LHPP: variants seen among roughly 807,000 people sequenced by gnomAD.
LHPP encodes hLHPP.
In LHPP, 24 loss-of-function variants were observed where a neutral mutation model predicts 30.3. The observed-to-expected ratio is 0.79, with a 90% CI of 0.57 to 1.11. The LOEUF (loss-of-function observed/expected upper bound fraction) is 1.11. Ranked by LOEUF, LHPP falls within the 50% of genes most tolerant of loss-of-function variation. The probability of loss-of-function intolerance (pLI) is 0.00; values close to 1 mark genes in which losing one functional copy is unlikely to be tolerated. For missense variants in LHPP, 356 were observed against 367.2 expected (o/e 0.97, Z 0.25); for synonymous variants, 150 against 157.1 (o/e 0.95, Z 0.34).
rs999060338 is a variant in LHPP, at chr10:124,613,693, A to G, written c.*333A>G. On this transcript the variant is annotated 3_prime_UTR_variant, in exon 7 of 7. Coordinates refer to ENST00000368842, the MANE Select transcript of LHPP (RefSeq NM_022126.4). ...GGCCTCTGGGAATCTCCCAAATCCC[A>G]GAACTCACCACTCACCATGGGCCTT... 75 of 419,410 alleles carry G rather than the reference A, an allele frequency of 1.8e-4. No homozygotes were observed. The highest frequency in any genetic ancestry group is 2.5e-4 in the South Asian group (9 of 35,976). The allele number at this position is 419,410 out of a possible 1,614,324, so 26.0% of individuals were successfully genotyped here. A position where few individuals can be genotyped will look rare whatever the true frequency, so the allele number is the denominator to read the frequency against.
chr10:124,506,650 A>T (rs1361587055), intron 5 of LHPP, among the ~76,000 whole-genome samples: 1 of 102,952 alleles, frequency 9.7e-6, no homozygotes, highest in African/African-American at 4.4e-5. Context: ...GGAGGTGGGG[A>T]GGGTAGGGAG....
In LHPP at chr10:124,613,446, C is replaced by T; in HGVS notation, c.*86C>T. 1 of 891,238 alleles carries T rather than the reference C, an allele frequency of 1.1e-6. No individual in the cohort carries two copies. The highest frequency in any genetic ancestry group is 1.8e-6 in the Non-Finnish European group (1 of 563,556). The allele number at this position is 891,238 out of a possible 1,614,324, so 55.2% of individuals were successfully genotyped here. The stretch of plus-strand genomic sequence containing the variant: ...TCCACCCCTGCCTCTCCTCCACCCG[C>T]CCAGGAGAGCCCCACCTCCTCCACC... On this transcript the variant is annotated 3_prime_UTR_variant, in exon 7 of 7. Coordinates refer to ENST00000368842, the MANE Select transcript of LHPP (RefSeq NM_022126.4).
intron 6 of LHPP, among the ~76,000 whole-genome samples, chr10:124,608,660 G>A (rs778879679): frequency 1.4e-4 from 22 of 151,950 alleles, no homozygotes; most frequent in Admixed American, 4.6e-4. Flanking sequence ...CTAGCCAGCC[G>A]TTCTGGTTTT....
At chr10:124,550,431 T>C (rs1243076834) in intron 6 of LHPP, among the ~76,000 whole-genome samples, 1 of 152,244 alleles carries the variant, frequency 6.6e-6, no homozygotes, top group Non-Finnish European at 1.5e-5. Context: ...CCCCTGCGCC[T>C]TGTGGCACTG....
intron 6 of LHPP, among the ~76,000 whole-genome samples, chr10:124,551,092 T>C (rs1022125824): frequency 5.3e-5 from 8 of 152,100 alleles, no homozygotes; most frequent in African/African-American, 1.9e-4. Context: ...CCCAGGCCTG[T>C]CGCCATCACT....
At chr10:124,467,381 G>A (rs1952582582) in intron 1 of LHPP, among the ~76,000 whole-genome samples, 2 of 151,200 alleles carry the variant, frequency 1.3e-5, no homozygotes, top group African/African-American at 4.9e-5. Context: ...ACAGCTGGCA[G>A]GGTGGAGAGG....
intron 5 of LHPP, among the ~76,000 whole-genome samples, chr10:124,502,373 T>C (rs1020429587): frequency 6.6e-6 from 1 of 150,746 alleles, no homozygotes; most frequent in Non-Finnish European, 1.5e-5. Context: ...GTAATTATCT[T>C]TTTTTTTTTG....
intron 6 of LHPP, among the ~76,000 whole-genome samples, chr10:124,585,502 C>T (rs919284122): frequency 4.0e-5 from 6 of 151,756 alleles, no homozygotes; most frequent in Non-Finnish European, 5.9e-5. Flanking sequence ...GTAGTCCCAG[C>T]TACTCAGGAG....
intron 2 of LHPP, among the ~76,000 whole-genome samples, 170 bp downstream of exon 2, chr10:124,484,496 G>A (rs1254502294): frequency 2.0e-5 from 3 of 151,990 alleles, no homozygotes; most frequent in East Asian, 1.9e-4. Context: ...GGGGCTGGGG[G>A]CAGGTTAGGA....
chr10:124,611,605 C>CCCCT (rs1390446173), intron 6 of LHPP, among the ~76,000 whole-genome samples: 1 of 151,930 alleles, frequency 6.6e-6, no homozygotes, highest in Non-Finnish European at 1.5e-5. Flanking sequence ...ACACTGCCCT[C>CCCCT]CCCTCCCAGG....
chr10:124,567,542 C>T (rs955388278), intron 6 of LHPP, among the ~76,000 whole-genome samples: 17 of 152,240 alleles, frequency 1.1e-4, no homozygotes, highest in Non-Finnish European at 2.5e-4. Flanking sequence ...TGACTGAAGA[C>T]GTCCTTTGTG....
chr10:124,498,266 C>T lies in LHPP; in HGVS notation c.624+138C>T. ...AGCGTGGGCTCCCTGTGAAAGCTGA[C>T]CTGGCTGGGAAGGAGGGGGAAGACA... On this transcript the variant is annotated intron_variant, in intron 5 of 6. Transcript: ENST00000368842. The T allele has an allele frequency of 3.2e-6, 5 of 1,542,750 alleles. No homozygotes were observed. In the South Asian group the frequency reaches 5.7e-5, roughly 18 times the overall value.
At chr10:124,564,587 A>G (rs1345600003) in intron 6 of LHPP, among the ~76,000 whole-genome samples, 4 of 152,126 alleles carry the variant, frequency 2.6e-5, no homozygotes, top group Non-Finnish European at 5.9e-5. Flanking sequence ...TCTGAACATC[A>G]GTCTCCTGAC....
Position 124,586,386 on chromosome 10 carries a change from T to A in LHPP, c.717-26878T>A, listed in dbSNP as rs529916622. On this transcript the variant is annotated intron_variant, in intron 6 of 6. Coordinates refer to ENST00000368842, the MANE Select transcript of LHPP (RefSeq NM_022126.4). ...TTCCCTAGTCCTCTTCCTTCTGGAG[T>A]TGGGAGGGGGAAATAGCCCTGCCCC... Among the ~76,000 whole-genome samples, 13 of 151,936 alleles carry A rather than the reference T, an allele frequency of 8.6e-5. 1 individual carries two copies. Among genetic ancestry groups the A allele is most frequent in the African/African-American group, 3.1e-4 (13 of 41,450 alleles).
At position 124,603,917 on chromosome 10, in the gene LHPP, T is replaced by C. The variant is rs550676180; in HGVS notation, c.717-9347T>C. On this transcript the variant is annotated intron_variant, in intron 6 of 6. Transcript: ENST00000368842. ...CAGGTAGCTGAGGCTGGAGCCTGTGTCCCCCAGGCAGCTGCTAAGGCCCGG... is the reference window on the plus strand; with the variant it reads ...CAGGTAGCTGAGGCTGGAGCCTGTGCCCCCCAGGCAGCTGCTAAGGCCCGG... Among the ~76,000 whole-genome samples the C allele has an allele frequency of 1.4e-4, 21 of 152,284 alleles. No homozygotes were observed. In the South Asian group the frequency reaches 4.1e-3, roughly 30 times the overall value.
intron 6 of LHPP, among the ~76,000 whole-genome samples, chr10:124,610,650 G>A (rs1470892092): frequency 2.8e-5 from 2 of 72,358 alleles, no homozygotes; most frequent in Non-Finnish European, 5.0e-5. Flanking sequence ...GATGGAGCGG[G>A]TGAGGGTGCG....
intron 2 of LHPP, among the ~76,000 whole-genome samples, chr10:124,485,748 G>C (rs557688244): frequency 1.3e-5 from 2 of 152,132 alleles, no homozygotes; most frequent in Admixed American, 1.3e-4. Flanking sequence ...TTACAGGTGT[G>C]TGCCACCACG....
rs986359743 is a variant in LHPP, at chr10:124,592,821, G to A, written c.717-20443G>A. Among the ~76,000 whole-genome samples the A allele has an allele frequency of 2.0e-5, 3 of 152,246 alleles. No individual in the cohort carries two copies. The highest frequency in any genetic ancestry group is 6.5e-5 in the Admixed American group (1 of 15,294). On this transcript the variant is annotated intron_variant, in intron 6 of 6. Coordinates refer to ENST00000368842, the MANE Select transcript of LHPP (RefSeq NM_022126.4). This position sits in a 1 kb window ranked among gnomAD's most constrained non-coding sequence, Gnocchi z 6.2. ...TGAAAACTGAAGAAAACAAGATTCC[G>A]TCTAGGAATCGTCCAGGGCGCGGCA...
chr10:124,519,332 G>T (rs1435292326), intron 6 of LHPP, among the ~76,000 whole-genome samples: 8 of 152,114 alleles, frequency 5.3e-5, no homozygotes, highest in African/African-American at 1.7e-4. Flanking sequence ...TAATATTTTG[G>T]TTTTTTCTTT....
Sources: gnomAD v4.1 joint callset for allele counts (sites outside exome capture counted in the v4.1 genomes callset) on GRCh38, gnomAD v4.1.1 for gene constraint, Gnocchi (gnomAD v3.1) non-coding constraint, MANE v1.5 for transcripts, NCBI Gene and HGNC (gene_info 2026-07-23, HGNC 2026-07-21) for gene names.